VMA22: variants seen among roughly 807,000 people sequenced by gnomAD.
VMA22 encodes vacuolar ATPase assembly protein VMA22.
At chr2:130,342,130 A>G in the VMA22 span, 4 of 1,613,210 alleles carry the variant, frequency 2.5e-6, no homozygotes, top group Admixed American at 6.7e-5. Flanking sequence ...CGCCATGGAC[A>G]CACCTCCAGA....
the VMA22 span, chr2:130,339,016 G>A: frequency 1.3e-6 from 1 of 783,786 alleles, no homozygotes; most frequent in Admixed American, 2.1e-5. Flanking sequence ...GCATTAGCTG[G>A]CGTGGGGTAG....
At chr2:130,339,236 G>A in the VMA22 span, 2 of 1,612,372 alleles carry the variant, frequency 1.2e-6, no homozygotes, top group South Asian at 2.2e-5. Context: ...TGCAGGCCTG[G>A]AGGAAAGGAG....
chr2:130,339,275 A>G, the VMA22 span: 1 of 1,538,176 alleles, frequency 6.5e-7, no homozygotes, highest in Non-Finnish European at 9.0e-7. Flanking sequence ...CTGTAGTGTA[A>G]CACACGACCC....
the VMA22 span, chr2:130,341,771 T>C: frequency 6.2e-6 from 10 of 1,608,468 alleles, no homozygotes; most frequent in Non-Finnish European, 8.5e-6. Context: ...GAAGGGAGGA[T>C]GGAGCTTTGG....
the VMA22 span, chr2:130,339,616 T>C: frequency 3.2e-4 from 418 of 1,304,946 alleles, no homozygotes; most frequent in Admixed American, 5.1e-4. Context: ...CACCTCTAGA[T>C]GGCTTTTGCT....
the VMA22 span, chr2:130,341,996 G>A: frequency 5.0e-6 from 8 of 1,613,222 alleles, no homozygotes; most frequent in Non-Finnish European, 6.8e-6. Flanking sequence ...GTACCCTCCT[G>A]CCCGCCCCAG....
At chr2:130,342,319 A>T in the VMA22 span, 2 of 1,012,012 alleles carry the variant, frequency 2.0e-6, no homozygotes, top group South Asian at 3.2e-5. Flanking sequence ...GAAGCAACCA[A>T]TCAACTGGTT....
the VMA22 span, chr2:130,341,912 C>A: frequency 1.2e-4 from 200 of 1,613,536 alleles, 1 homozygote; most frequent in South Asian, 2.1e-3. Context: ...TGGCGCCCAT[C>A]GCGTAGCGAG....
At chr2:130,342,230 C>G in the VMA22 span, 1 of 1,551,532 alleles carries the variant, frequency 6.4e-7, no homozygotes, top group Non-Finnish European at 8.7e-7. Context: ...GCGTTCCCAT[C>G]TGGGGATCCC....
chr2:130,341,436 A>G, the VMA22 span: 1 of 572,596 alleles, frequency 1.7e-6, no homozygotes, highest in Non-Finnish European at 3.1e-6. Context: ...TTTTCTGTTC[A>G]GCTGACTGAA....
At chr2:130,342,420 A>T in the VMA22 span, 1 of 565,434 alleles carries the variant, frequency 1.8e-6, no homozygotes, top group Non-Finnish European at 3.1e-6. Context: ...GCCGAATCTT[A>T]GAAGTCGCGC....
chr2:130,341,801 G>GCCCCC, the VMA22 span: 4 of 1,378,138 alleles, frequency 2.9e-6, no homozygotes, highest in South Asian at 1.3e-5. Flanking sequence ...CCTAGAACGC[G>GCCCCC]CCCGCCCGCC....
At chr2:130,342,058 T>TC in the VMA22 span, 1 of 1,613,624 alleles carries the variant, frequency 6.2e-7, no homozygotes. Context: ...CCCCTCCAGC[T>TC]CCTCCAGGTC....
chr2:130,341,174 C>G, the VMA22 span: 8 of 1,012,718 alleles, frequency 7.9e-6, no homozygotes, highest in Non-Finnish European at 1.1e-5. Flanking sequence ...TTTGGGGTTC[C>G]AGGAAACAGC....
At chr2:130,342,141 T>C in the VMA22 span, 13 of 1,612,698 alleles carry the variant, frequency 8.1e-6, no homozygotes, top group Non-Finnish European at 1.0e-5. Context: ...CACCTCCAGA[T>C]CTGGAGCCAC....
the VMA22 span, chr2:130,340,028 A>G: frequency 7.0e-6 from 2 of 287,530 alleles, no homozygotes; most frequent in East Asian, 1.7e-4. Flanking sequence ...TGGATACCAC[A>G]CAGACCACAC....
chr2:130,340,973 G>A, the VMA22 span: 3 of 1,613,728 alleles, frequency 1.9e-6, no homozygotes, highest in East Asian at 2.2e-5. Flanking sequence ...CCAGTTCAGG[G>A]GGTCCTGAGG....
the VMA22 span, chr2:130,341,801 G>GGGGGCGGC: frequency 7.3e-7 from 1 of 1,378,140 alleles, no homozygotes; most frequent in Non-Finnish European, 9.9e-7. Flanking sequence ...CCTAGAACGC[G>GGGGGCGGC]CCCGCCCGCC....
At chr2:130,342,141 T>A in the VMA22 span, 7 of 1,612,816 alleles carry the variant, frequency 4.3e-6, no homozygotes, top group Middle Eastern at 1.7e-4. Context: ...CACCTCCAGA[T>A]CTGGAGCCAC....
Sources: gnomAD v4.1 joint callset for allele counts on GRCh38, gnomAD v4.1.1 for gene constraint, MANE v1.5 for transcripts, NCBI Gene and HGNC (gene_info 2026-07-23, HGNC 2026-07-21) for gene names.